The following RTBDN variants were observed in gnomAD, a reference collection of about 807,000 sequenced individuals.
RTBDN encodes the protein retbindin.
A neutral mutation model predicts 21.9 loss-of-function variants in RTBDN; 24 were observed. The ratio of observed to expected loss-of-function variants is 1.10; its 90% CI spans 0.79 to 1.54. The LOEUF is 1.54. RTBDN is among the 40% of genes most tolerant of loss of function. The probability of loss-of-function intolerance (pLI) is 0.00; values close to 1 mark genes in which losing one functional copy is unlikely to be tolerated. For synonymous variants in RTBDN, 141 were observed against 125.9 expected (o/e 1.12, Z -0.80); for missense variants, 325 against 315.2 (o/e 1.03, Z -0.23).
At chr19:12,832,867 T>C (rs1266290695) in intron 1 of RTBDN, 2 of 152,214 alleles carry the variant, frequency 1.3e-5, no homozygotes, top group Non-Finnish European at 2.9e-5. Flanking sequence ...GGCCAGATAC[T>C]GGCCACCACC....
upstream of RTBDN, chr19:12,835,176 G>T (rs544350869): frequency 2.8e-4 from 400 of 1,426,176 alleles, no homozygotes; most frequent in Non-Finnish European, 2.5e-4. Flanking sequence ...AGGAAAAATG[G>T]TGATCAGACT....
chr19:12,833,306 CCACA>C (rs1412519881), intron 1 of RTBDN, among the ~76,000 whole-genome samples: 2 of 151,878 alleles, frequency 1.3e-5, no homozygotes, highest in African/African-American at 4.8e-5. Flanking sequence ...GGACAGTTTC[CCACA>C]GAGGATATGG....
At chr19:12,826,183 C>T (rs563236014) in intron 5 of RTBDN, 1 of 1,364,604 alleles carries the variant, frequency 7.3e-7, no homozygotes, top group South Asian at 1.7e-5. Context: ...TGTATCAAGG[C>T]TGGGGTTTTG....
chr19:12,829,767 G>T, intron 2 of RTBDN, 44 bp downstream of exon 2: 1 of 1,571,458 alleles, frequency 6.4e-7, no homozygotes, highest in Non-Finnish European at 8.7e-7. Flanking sequence ...GGGTAGGTGT[G>T]GGTTTCTGGG....
chr19:12,825,712 G>C lies in RTBDN; in HGVS notation c.684C>G (p.Gly228=), dbSNP rs751401201. The part of the protein sequence containing the change: ...GSGSGSGSGS[G]P ...ACTCAGGGCCACGCGTCCGCTAGGG[G>C]CCGCTGCCGCTTCCACTGCCACTCC... The change falls in exon 6 of 6, where the codon GGC becomes GGG. Residue 228 remains glycine, a synonymous_variant. Transcript: ENST00000674343. The C allele has an allele frequency of 3.2e-6, 5 of 1,570,420 alleles. No homozygotes were observed. The highest frequency in any genetic ancestry group is 3.4e-6 in the Non-Finnish European group (4 of 1,159,528).
At chr19:12,826,945 T>A in intron 4 of RTBDN, 74 bp from the exon 5 acceptor site, 1 of 1,060,228 alleles carries the variant, frequency 9.4e-7, no homozygotes, top group Non-Finnish European at 1.4e-6. Flanking sequence ...TCTTCTAGAC[T>A]GTGTTCACTA....
At chr19:12,826,153 G>A (rs1454326858) in intron 5 of RTBDN, 3 of 1,380,352 alleles carry the variant, frequency 2.2e-6, no homozygotes, top group African/African-American at 3.0e-5. Flanking sequence ...TGGGGCAGTT[G>A]GGGGGCGCGC....
chr19:12,825,670 G>A lies in RTBDN; in HGVS notation c.*36C>T. 6.5e-7 allele frequency: 1 copy of A among 1,542,300 alleles called. No individual in the cohort carries two copies. Among genetic ancestry groups the A allele is most frequent in the Non-Finnish European group, 8.7e-7 (1 of 1,144,186 alleles). Reference sequence around the variant, plus strand: ...GGTGTCCTGAGGGGCGGGGCTGGGGGAAGGGTCGCTCCCCCAACTCAGGGC... The same window carrying A: ...GGTGTCCTGAGGGGCGGGGCTGGGGAAAGGGTCGCTCCCCCAACTCAGGGC... On this transcript the variant is annotated 3_prime_UTR_variant, in exon 6 of 6. Transcript: ENST00000674343.
Position 12,834,447 on chromosome 19 carries a change from GC to G in RTBDN, c.-19+41del, listed in dbSNP as rs1489208267. 1 of 1,455,596 alleles carries G rather than the reference GC, an allele frequency of 6.9e-7. No homozygotes were observed. Among genetic ancestry groups the G allele is most frequent in the South Asian group, 1.2e-5 (1 of 82,430 alleles). The allele number at this position is 1,455,596 out of a possible 1,614,324, so 90.2% of individuals were successfully genotyped here. A position where few individuals can be genotyped will look rare whatever the true frequency, so the allele number is the denominator to read the frequency against. On this transcript the variant is annotated intron_variant, in intron 1 of 5. Coordinates refer to ENST00000674343, the MANE Select transcript of RTBDN (RefSeq NM_001270441.2). This position sits in a 1 kb window ranked among gnomAD's most constrained non-coding sequence, Gnocchi z 4.7. ...AACCTCGCCCCTCACCACCCCAGGA[GC>G]CCCCTCCCGAGGCATAGGACGCCCT...
rs139077102 is a variant in RTBDN, at chr19:12,828,838, G to C, written c.254+31C>G. ...AGTTCCTGGGCAATGGGCAAAGTAC[G>C]CGAGAAAACGGTGGAGGGTGCTGTA... On this transcript the variant is annotated intron_variant, in intron 3 of 5. Transcript: ENST00000674343. 2.1e-4 allele frequency: 331 copies of C among 1,614,160 alleles called. 3 individuals carry two copies. In the East Asian group the frequency reaches 5.9e-3, roughly 29 times the overall value.
intron 1 of RTBDN, chr19:12,832,723 CAG>C (rs1969622537): frequency 6.6e-6 from 1 of 152,256 alleles, no homozygotes; most frequent in African/African-American, 2.4e-5. Flanking sequence ...CAGAGACAGA[CAG>C]AGATAACCCA....
chr19:12,826,648 C>A, intron 5 of RTBDN, 127 bp downstream of exon 5: 1 of 756,906 alleles, frequency 1.3e-6, no homozygotes, highest in Non-Finnish European at 2.1e-6. Context: ...GAGCTGAGAT[C>A]GCGCCACTGC....
intron 4 of RTBDN, among the ~76,000 whole-genome samples, chr19:12,828,107 A>G (rs1209320250): frequency 1.4e-5 from 2 of 147,700 alleles, no homozygotes; most frequent in South Asian, 4.3e-4. Context: ...AAAAAAAAAA[A>G]GAAAAAAAGG....
chr19:12,828,224 C>T (rs571127141), intron 4 of RTBDN, among the ~76,000 whole-genome samples: 2 of 151,850 alleles, frequency 1.3e-5, no homozygotes, highest in Admixed American at 6.6e-5. Context: ...AGTGAAACCT[C>T]GTCTCTACTA....
chr19:12,825,607 T>A lies in RTBDN; in HGVS notation c.*99A>T. ...GGAGGAGGGACAGACATCTCAAAACTATTACAGAAGGCCGAGAGGACGAGG... is the reference window on the plus strand; with the variant it reads ...GGAGGAGGGACAGACATCTCAAAACAATTACAGAAGGCCGAGAGGACGAGG... On this transcript the variant is annotated 3_prime_UTR_variant, in exon 6 of 6. Transcript: ENST00000674343. The A allele has an allele frequency of 6.8e-7, 1 of 1,462,658 alleles. No individual in the cohort carries two copies. Among genetic ancestry groups the A allele is most frequent in the Non-Finnish European group, 9.0e-7 (1 of 1,106,862 alleles). The allele number at this position is 1,462,658 out of a possible 1,614,324, so 90.6% of individuals were successfully genotyped here. A position where few individuals can be genotyped will look rare whatever the true frequency, so the allele number is the denominator to read the frequency against.
chr19:12,831,052 GTGTGTA>G (rs1599562112), intron 1 of RTBDN, among the ~76,000 whole-genome samples: 1 of 149,044 alleles, frequency 6.7e-6, no homozygotes. Flanking sequence ...GTGTGTGTGT[GTGTGTA>G]TACGTTCAGA....
Position 12,830,574 on chromosome 19 carries a change from A to T in RTBDN, c.-18-577T>A. 1.0e-6 allele frequency: 1 copy of T among 985,150 alleles called. No homozygotes were observed. The highest frequency in any genetic ancestry group is 1.2e-6 in the Non-Finnish European group (1 of 829,718). 61.0% of individuals were successfully genotyped at this position (985,150 alleles called of 1,614,324 possible). ...ACAGCTAGCGGTCTGTGGAGACAAG[A>T]CTGTCCCCTTCCCGCCTCCCCGCAT... On this transcript the variant is annotated intron_variant, in intron 1 of 5. Coordinates refer to ENST00000674343, the MANE Select transcript of RTBDN (RefSeq NM_001270441.2). This position sits in a 1 kb window ranked among gnomAD's most constrained non-coding sequence, Gnocchi z 4.2.
At chr19:12,826,351 G>C in intron 5 of RTBDN, 2 of 1,257,340 alleles carry the variant, frequency 1.6e-6, no homozygotes, top group Non-Finnish European at 2.0e-6. Flanking sequence ...TGGGAGCAGG[G>C]ACCTGGGGAG....
Position 12,834,038 on chromosome 19 carries a change from G to C in RTBDN, c.-19+451C>G, listed in dbSNP as rs1969672122. The C allele has an allele frequency of 2.5e-6, 1 of 398,328 alleles. No homozygotes were observed. The highest frequency in any genetic ancestry group is 4.4e-6 in the Non-Finnish European group (1 of 225,968). 24.7% of individuals were successfully genotyped at this position (398,328 alleles called of 1,614,324 possible). A position where few individuals can be genotyped will look rare whatever the true frequency, so the allele number is the denominator to read the frequency against. On this transcript the variant is annotated intron_variant, in intron 1 of 5. Coordinates refer to ENST00000674343, the MANE Select transcript of RTBDN (RefSeq NM_001270441.2). This position sits in a 1 kb window ranked among gnomAD's most constrained non-coding sequence, Gnocchi z 4.7. ...GGCTGCCTGGGCCCCGGGTGGAGAG[G>C]AAGGGGTCGGCGCCCTGGGGCGGGG...
Sources: allele counts gnomAD v4.1 joint callset (sites outside exome capture counted in the v4.1 genomes callset), GRCh38; gene constraint gnomAD v4.1.1; non-coding constraint Gnocchi (gnomAD v3.1); transcripts MANE v1.5; gene names NCBI Gene and HGNC (gene_info 2026-07-23, HGNC 2026-07-21).